Variants in TENM2 observed in about 807,000 individuals in gnomAD.
The protein encoded by TENM2 is teneurin-2.
TENM2 carries 52 observed loss-of-function variants against 245.2 expected under a neutral mutation model. That is an observed-to-expected ratio of 0.21 (90% CI 0.17 to 0.27). The LOEUF is 0.27. TENM2 is among the 10% of genes least tolerant of loss of function. TENM2 has a pLI of 1.00. For missense variants in TENM2, 3,046 were observed against 3,666.8 expected (o/e 0.83, Z 4.37); for synonymous variants, 1,363 against 1,438.9 (o/e 0.95, Z 1.19).
intron 2 of TENM2, among the ~76,000 whole-genome samples, chr5:167,808,500 T>C (rs545276555): frequency 5.9e-5 from 9 of 152,272 alleles, no homozygotes; most frequent in African/African-American, 2.2e-4. Context: ...CCTCAGGTGA[T>C]CAGCCTACCT....
At chr5:167,063,257 A>G in the TENM2 span, among the ~76,000 whole-genome samples, 2 of 152,146 alleles carry the variant, frequency 1.3e-5, no homozygotes, top group African/African-American at 2.4e-5. Context: ...CACGGAGTAG[A>G]CACATGTAAA....
the TENM2 span, among the ~76,000 whole-genome samples, chr5:167,191,302 T>C: frequency 6.6e-6 from 1 of 152,022 alleles, no homozygotes; most frequent in East Asian, 1.9e-4. Flanking sequence ...GTCATTAAAA[T>C]ATATATATGT....
intron 2 of TENM2, among the ~76,000 whole-genome samples, chr5:167,724,401 C>T (rs1285563878): frequency 2.6e-5 from 4 of 151,784 alleles, no homozygotes; most frequent in Admixed American, 2.0e-4. Context: ...TCATGAAGTC[C>T]TCATGTATTC....
intron 1 of TENM2, among the ~76,000 whole-genome samples, chr5:167,352,386 T>C (rs192771956): frequency 2.5e-4 from 38 of 152,390 alleles, no homozygotes; most frequent in Non-Finnish European, 5.1e-4. Flanking sequence ...TTGAAATTTT[T>C]ATCTTTTTCA....
At chr5:167,065,527 G>A in the TENM2 span, among the ~76,000 whole-genome samples, 20 of 152,286 alleles carry the variant, frequency 1.3e-4, no homozygotes, top group South Asian at 3.9e-3. Context: ...GACACACAAC[G>A]TGTATGAGTA....
At chr5:167,098,683 G>A in the TENM2 span, among the ~76,000 whole-genome samples, 9 of 152,044 alleles carry the variant, frequency 5.9e-5, no homozygotes, top group Non-Finnish European at 1.3e-4. Context: ...CCTTAAGGAG[G>A]GAATGGTCGA....
chr5:167,247,171 C>A, the TENM2 span, among the ~76,000 whole-genome samples: 103 of 152,244 alleles, frequency 6.8e-4, no homozygotes, highest in South Asian at 4.8e-3. Context: ...TAAATGAATT[C>A]TGATGTGCTT....
chr5:167,256,393 A>G, the TENM2 span, among the ~76,000 whole-genome samples: 1 of 152,168 alleles, frequency 6.6e-6, no homozygotes, highest in Non-Finnish European at 1.5e-5. Flanking sequence ...AATCCAAAGC[A>G]AAGGGGCAAA....
chr5:167,445,755 T>C (rs891402454), intron 2 of TENM2, among the ~76,000 whole-genome samples: 2 of 152,064 alleles, frequency 1.3e-5, no homozygotes, highest in Admixed American at 6.5e-5. Context: ...GTCTGGGAGA[T>C]GGAAAGTTTT....
chr5:167,057,544 C>G, the TENM2 span, among the ~76,000 whole-genome samples: 1,461 of 152,232 alleles, frequency 9.6e-3, 18 homozygotes, highest in African/African-American at 0.033. Flanking sequence ...TGAACTTCAT[C>G]AGTGCTTCTC....
chr5:168,083,800 A>AT (rs1307455511), intron 7 of TENM2, among the ~76,000 whole-genome samples: 1 of 152,090 alleles, frequency 6.6e-6, no homozygotes, highest in Non-Finnish European at 1.5e-5. Flanking sequence ...TTACCTGGGT[A>AT]TGTTGCATGA....
chr5:167,719,880 C>A lies in TENM2; in HGVS notation c.503-156106C>A, dbSNP rs548752460. Among the ~76,000 whole-genome samples the A allele has an allele frequency of 3.5e-4, 53 of 151,992 alleles. 1 individual carries two copies. The highest frequency in any genetic ancestry group is 5.6e-4 in the Non-Finnish European group (38 of 68,008). ...TCCCACCACCCCCAACAAATAATTA[C>A]CTGGCCCAGGTGTCAAAAGCACACA... On this transcript the variant is annotated intron_variant, in intron 2 of 28. Coordinates refer to ENST00000518659, the Ensembl canonical transcript of TENM2.
intron 2 of TENM2, among the ~76,000 whole-genome samples, chr5:167,415,843 T>C (rs1763139380): frequency 6.6e-6 from 1 of 152,136 alleles, no homozygotes; most frequent in Admixed American, 6.6e-5. Flanking sequence ...TAATTTGAAG[T>C]GCTAGGGCCC....
At chr5:167,234,555 A>G in the TENM2 span, among the ~76,000 whole-genome samples, 3 of 152,244 alleles carry the variant, frequency 2.0e-5, no homozygotes, top group Admixed American at 6.5e-5. Flanking sequence ...GGCTACTTGA[A>G]GAGGTCAACT....
intron 27 of TENM2, among the ~76,000 whole-genome samples, chr5:168,249,235 G>A (rs1157391316): frequency 6.6e-6 from 1 of 152,090 alleles, no homozygotes; most frequent in Non-Finnish European, 1.5e-5. Context: ...AGCAATGAGT[G>A]AGCGTAAGTA....
chr5:167,249,726 G>A, the TENM2 span, among the ~76,000 whole-genome samples: 2 of 152,196 alleles, frequency 1.3e-5, no homozygotes, highest in Middle Eastern at 6.8e-3. Context: ...GGAGCAAGCC[G>A]TCCTATCAAG....
chr5:167,004,841 A>G, the TENM2 span, among the ~76,000 whole-genome samples: 1 of 152,162 alleles, frequency 6.6e-6, no homozygotes, highest in Non-Finnish European at 1.5e-5. Flanking sequence ...CTTGTGCAAG[A>G]AGGATTGTGG....
At chr5:167,119,622 T>C in the TENM2 span, 1 of 152,202 alleles carries the variant, frequency 6.6e-6, no homozygotes, top group Admixed American at 6.5e-5. Context: ...GCCTCTTCTA[T>C]AAGGGCCCTA....
the TENM2 span, chr5:167,116,708 A>T: frequency 6.6e-6 from 1 of 152,190 alleles, no homozygotes; most frequent in Non-Finnish European, 1.5e-5. Context: ...AAAAAAAAAA[A>T]AGTGCTTTGG....
Sources: allele counts gnomAD v4.1 joint callset (sites outside exome capture counted in the v4.1 genomes callset), GRCh38; gene constraint gnomAD v4.1.1; transcripts MANE v1.5; gene names NCBI Gene and HGNC (gene_info 2026-07-23, HGNC 2026-07-21).